RNF185: variants seen among roughly 807,000 people sequenced by gnomAD.
RNF185 encodes ring finger protein 185.
RNF185 carries 13 observed loss-of-function variants against 24.9 expected under a neutral mutation model. That is an observed-to-expected ratio of 0.52 (90% CI 0.34 to 0.83). The LOEUF (loss-of-function observed/expected upper bound fraction) is 0.83. Among genes scored for constraint, RNF185 ranks in the 40% least tolerant of loss-of-function variants. RNF185 has a pLI of 0.01. For missense variants in RNF185, 184 were observed against 244.7 expected, an observed-to-expected ratio of 0.75 and a Z score of 1.65; for synonymous variants, 79 against 90.3, an observed-to-expected ratio of 0.88 and a Z score of 0.71.
At chr22:31,169,891 A>T (rs907524191) in intron 1 of RNF185, among the ~76,000 whole-genome samples, 1 of 152,132 alleles carries the variant, frequency 6.6e-6, no homozygotes, top group Non-Finnish European at 1.5e-5. Flanking sequence ...AGATGACAGG[A>T]GTCCATCTCT....
Position 31,165,810 on chromosome 22 carries a change from G to T in RNF185, c.-49+5507G>T, listed in dbSNP as rs1377210260. On this transcript the variant is annotated intron_variant, in intron 1 of 6. Coordinates refer to ENST00000326132, the MANE Select transcript of RNF185 (RefSeq NM_152267.4). ...CTGTATGTCTGGTTATAGGCAGGGA[G>T]TAGAGGAGTCAGTGGTGGTTTGAAT... Among the ~76,000 whole-genome samples, 3 of 152,316 alleles carry T rather than the reference G, an allele frequency of 2.0e-5. No individual in the cohort carries two copies. In the East Asian group the frequency reaches 5.8e-4, roughly 29 times the overall value.
intron 5 of RNF185, among the ~76,000 whole-genome samples, chr22:31,197,940 T>C (rs2048222565): frequency 6.6e-6 from 1 of 152,178 alleles, no homozygotes; most frequent in East Asian, 1.9e-4. Context: ...CATTTGTCTC[T>C]AGTGGTCTAG....
chr22:31,188,488 A>G (rs147426776), intron 2 of RNF185, among the ~76,000 whole-genome samples: 4 of 152,322 alleles, frequency 2.6e-5, no homozygotes, highest in African/African-American at 9.6e-5. Flanking sequence ...CCCTGATTTG[A>G]TTATGTGAAT....
chr22:31,163,645 T>TA (rs1923718129), intron 1 of RNF185, among the ~76,000 whole-genome samples: 1 of 144,310 alleles, frequency 6.9e-6, no homozygotes, highest in Non-Finnish European at 1.5e-5. Context: ...GTTTTTTAAC[T>TA]TTTTATTTTA....
At chr22:31,203,271 C>T (rs2048281792) in intron 6 of RNF185, among the ~76,000 whole-genome samples, 1 of 152,192 alleles carries the variant, frequency 6.6e-6, no homozygotes, top group South Asian at 2.1e-4. Context: ...TAAATGGTAG[C>T]TTTTCCTAAA....
At chr22:31,186,918 G>A (rs545105501) in intron 1 of RNF185, 129 bp from the exon 2 acceptor site, 55 of 681,522 alleles carry the variant, frequency 8.1e-5, no homozygotes, top group Non-Finnish European at 1.1e-4. Context: ...CTTCTGTAGC[G>A]CTTTGGGAAG....
At chr22:31,183,557 G>A (rs2048061039) in intron 1 of RNF185, among the ~76,000 whole-genome samples, 1 of 151,886 alleles carries the variant, frequency 6.6e-6, no homozygotes, top group Non-Finnish European at 1.5e-5. Context: ...TGTGTCCCTG[G>A]GTAGTTGAGA....
At chr22:31,204,112 A>T (rs1366011270) in intron 6 of RNF185, among the ~76,000 whole-genome samples, 1 of 150,944 alleles carries the variant, frequency 6.6e-6, no homozygotes, top group Non-Finnish European at 1.5e-5. Context: ...TTGGAGGCTG[A>T]GGCAGGCGGA....
chr22:31,199,053 T>C lies in RNF185; in HGVS notation c.363+2063T>C, dbSNP rs188492850. ...AGGCAGAGGTTGCAGTGAGCTGAGA[T>C]CACACCACTGCACTCCAGCCTTGGC... On this transcript the variant is annotated intron_variant, in intron 5 of 6. Coordinates refer to ENST00000326132, the MANE Select transcript of RNF185 (RefSeq NM_152267.4). 4.9e-4 allele frequency among the ~76,000 whole-genome samples: 72 copies of C among 148,100 alleles called. 3 individuals carry two copies. The highest frequency in any genetic ancestry group is 1.7e-3 in the African/African-American group (68 of 40,376).
At chr22:31,173,457 G>C (rs563203496) in intron 1 of RNF185, among the ~76,000 whole-genome samples, 10 of 126,358 alleles carry the variant, frequency 7.9e-5, no homozygotes, top group African/African-American at 2.9e-4. Context: ...GTATATATCA[G>C]GTGCTCCTGA....
chr22:31,170,243 CAG>C (rs2047914772), intron 1 of RNF185, among the ~76,000 whole-genome samples: 1 of 152,042 alleles, frequency 6.6e-6, no homozygotes, highest in African/African-American at 2.4e-5. Context: ...GGCTGGAGTG[CAG>C]TGGTGCAATC....
chr22:31,193,031 C>CA (rs1198012772), intron 3 of RNF185, among the ~76,000 whole-genome samples: 1 of 152,192 alleles, frequency 6.6e-6, no homozygotes, highest in Non-Finnish European at 1.5e-5. Context: ...AACAGTCCCC[C>CA]AGCCCTTAAA....
Position 31,196,999 on chromosome 22 carries a change from C to T in RNF185, c.363+9C>T, listed in dbSNP as rs528589651. The T allele has an allele frequency of 1.9e-5, 30 of 1,613,482 alleles. No individual in the cohort carries two copies. Among genetic ancestry groups the T allele is most frequent in the Non-Finnish European group, 2.5e-5 (29 of 1,179,622 alleles). ...AGCCGGAGAATAGAGGGGTGAGGAA[C>T]ATTCTAGGAGAAGCTTCTACAAATG... On this transcript the variant is annotated intron_variant, in intron 5 of 6. Coordinates refer to ENST00000326132, the MANE Select transcript of RNF185 (RefSeq NM_152267.4).
chr22:31,193,109 A>G (rs2048171544), intron 3 of RNF185, among the ~76,000 whole-genome samples: 1 of 152,162 alleles, frequency 6.6e-6, no homozygotes, highest in East Asian at 1.9e-4. Context: ...GAGGAGAGAA[A>G]AGTCTATTTT....
intron 5 of RNF185, 52 bp from the exon 6 acceptor site, chr22:31,201,446 C>A: frequency 7.4e-7 from 1 of 1,350,166 alleles, no homozygotes; most frequent in Non-Finnish European, 1.1e-6. Context: ...TTGACAGGCA[C>A]AGGAGAAACC....
rs577402531 is a variant in RNF185, at chr22:31,192,477, A to AT, written c.177-202dup. ...TCCATTGCGTTATTTATTTTCTGTGATTTTTACCCCAGTTTTTTTTTAATT... is the reference window on the plus strand; with the variant it reads ...TCCATTGCGTTATTTATTTTCTGTGATTTTTTACCCCAGTTTTTTTTTAATT... On this transcript the variant is annotated intron_variant, in intron 2 of 6. Transcript: ENST00000326132. 2.2e-4 allele frequency among the ~76,000 whole-genome samples: 33 copies of AT among 151,598 alleles called. No individual in the cohort carries two copies. In the East Asian group the frequency reaches 6.0e-3, roughly 28 times the overall value.
intron 1 of RNF185, among the ~76,000 whole-genome samples, chr22:31,184,008 C>CG (rs889408257): frequency 7.0e-6 from 1 of 143,532 alleles, no homozygotes; most frequent in Non-Finnish European, 1.5e-5. Flanking sequence ...GCTGGCCGGG[C>CG]GGGGGCTGCC....
At chr22:31,175,495 A>ATGTCATTG (rs2047974340) in intron 1 of RNF185, among the ~76,000 whole-genome samples, 1 of 151,990 alleles carries the variant, frequency 6.6e-6, no homozygotes, top group South Asian at 2.1e-4. Flanking sequence ...GAAAACATAC[A>ATGTCATTG]TGTCATTGTC....
chr22:31,160,277 G>A lies in RNF185; in HGVS notation c.-75G>A, dbSNP rs1197472536. On this transcript the variant is annotated 5_prime_UTR_variant, in exon 1 of 7. Coordinates refer to ENST00000326132, the MANE Select transcript of RNF185 (RefSeq NM_152267.4). ...CGTGTACCCGAAAAACTGATTGACT[G>A]GGCTGGCGTTAACTGTGCGGAGGCA... 1 of 152,348 alleles carries A rather than the reference G, an allele frequency of 6.6e-6. No homozygotes were observed. Among genetic ancestry groups the A allele is most frequent in the Non-Finnish European group, 1.5e-5 (1 of 68,084 alleles). 9.4% of individuals were successfully genotyped at this position (152,348 alleles called of 1,614,324 possible). A position where few individuals can be genotyped will look rare whatever the true frequency, so the allele number is the denominator to read the frequency against.
Sources: allele counts gnomAD v4.1 joint callset (sites outside exome capture counted in the v4.1 genomes callset), GRCh38; gene constraint gnomAD v4.1.1; transcripts MANE v1.5; gene names NCBI Gene and HGNC (gene_info 2026-07-23, HGNC 2026-07-21).